Variants in ADAMTSL3 observed in about 807,000 individuals in gnomAD.
ADAMTSL3 encodes ADAMTS like 3.
ADAMTSL3 carries 128 observed loss-of-function variants against 201.7 expected under a neutral mutation model. That is an observed-to-expected ratio of 0.63 (90% CI 0.55 to 0.73). The LOEUF is 0.73. ADAMTSL3 is among the 30% of genes least tolerant of loss of function. The probability of loss-of-function intolerance (pLI) is 0.00; values close to 1 mark genes in which losing one functional copy is unlikely to be tolerated. For missense variants in ADAMTSL3, 1,990 were observed against 2,119.6 expected (o/e 0.94, Z 1.20); for synonymous variants, 738 against 748.4 (o/e 0.99, Z 0.23).
chr15:83,912,164 AG>A (rs1212275485), intron 15 of ADAMTSL3, among the ~76,000 whole-genome samples: 1 of 152,214 alleles, frequency 6.6e-6, no homozygotes, highest in Non-Finnish European at 1.5e-5. Flanking sequence ...AATTCTGTGC[AG>A]GGGTCCAGTA....
chr15:83,764,875 C>A (rs903744196), intron 3 of ADAMTSL3, among the ~76,000 whole-genome samples: 3 of 152,068 alleles, frequency 2.0e-5, no homozygotes, highest in Non-Finnish European at 2.9e-5. Flanking sequence ...CTAGCAGGAG[C>A]CACCAGAGAT....
chr15:83,715,332 G>A (rs2062002288), intron 3 of ADAMTSL3, among the ~76,000 whole-genome samples: 1 of 152,042 alleles, frequency 6.6e-6, no homozygotes, highest in South Asian at 2.1e-4. Flanking sequence ...TGATTATTTT[G>A]GACAGGTTTC....
intron 4 of ADAMTSL3, among the ~76,000 whole-genome samples, chr15:83,787,590 AAAC>A (rs1253475325): frequency 6.6e-6 from 1 of 152,100 alleles, no homozygotes; most frequent in Non-Finnish European, 1.5e-5. Flanking sequence ...TTGAGGTGAA[AAAC>A]AACAGCCTCT....
At chr15:83,812,468 A>G (rs2063713930) in intron 5 of ADAMTSL3, among the ~76,000 whole-genome samples, 1 of 152,198 alleles carries the variant, frequency 6.6e-6, no homozygotes, top group African/African-American at 2.4e-5. Flanking sequence ...TGATTCAAAC[A>G]TGCCTACACC....
chr15:84,034,698 A>C (rs1430834548), intron 28 of ADAMTSL3, among the ~76,000 whole-genome samples: 2 of 152,136 alleles, frequency 1.3e-5, no homozygotes, highest in Non-Finnish European at 2.9e-5. Context: ...CAGCATTTTA[A>C]AGCTGTGTGC....
intron 19 of ADAMTSL3, among the ~76,000 whole-genome samples, chr15:83,969,328 C>G (rs1364243779): frequency 1.3e-5 from 2 of 152,026 alleles, no homozygotes; most frequent in South Asian, 4.2e-4. Flanking sequence ...CCTGAAATCC[C>G]AGCTACTTGG....
chr15:83,799,487 TTTAAG>T (rs1389215916), intron 4 of ADAMTSL3, among the ~76,000 whole-genome samples: 3 of 152,108 alleles, frequency 2.0e-5, no homozygotes, highest in South Asian at 2.1e-4. Context: ...GAAACACAGG[TTTAAG>T]TTAACTACTA....
chr15:84,028,970 C>G (rs2068357092), intron 27 of ADAMTSL3, among the ~76,000 whole-genome samples: 1 of 152,188 alleles, frequency 6.6e-6, no homozygotes, highest in Non-Finnish European at 1.5e-5. Flanking sequence ...TCTTTGCCTT[C>G]CATCATGATT....
chr15:83,976,786 A>G (rs1056778496), intron 20 of ADAMTSL3, among the ~76,000 whole-genome samples: 4 of 152,204 alleles, frequency 2.6e-5, no homozygotes, highest in African/African-American at 9.7e-5. Flanking sequence ...AGCTTCGCTC[A>G]CTGGCCTTAC....
At chr15:83,963,421 G>A (rs1429271793) in intron 19 of ADAMTSL3, among the ~76,000 whole-genome samples, 1 of 152,180 alleles carries the variant, frequency 6.6e-6, no homozygotes, top group African/African-American at 2.4e-5. Flanking sequence ...GCCCACCACA[G>A]CTTGGCAAAG....
At chr15:84,027,833 C>T (rs1293442204) in intron 27 of ADAMTSL3, among the ~76,000 whole-genome samples, 1 of 151,788 alleles carries the variant, frequency 6.6e-6, no homozygotes, top group Non-Finnish European at 1.5e-5. Context: ...ATAACAACAC[C>T]CCATAATAAT....
At chr15:84,025,683 G>A (rs2068293055) in intron 27 of ADAMTSL3, 1 of 389,488 alleles carries the variant, frequency 2.6e-6, no homozygotes, top group Non-Finnish European at 4.7e-6. Flanking sequence ...GAAGCTCCAA[G>A]TTAGACCAGT....
intron 23 of ADAMTSL3, among the ~76,000 whole-genome samples, chr15:84,008,097 T>A (rs2067928257): frequency 6.6e-6 from 1 of 152,152 alleles, no homozygotes; most frequent in South Asian, 2.1e-4. Flanking sequence ...AATTGCTAAC[T>A]TCAGTTGTCA....
At chr15:84,016,251 G>C (rs773986114) in intron 24 of ADAMTSL3, 132 bp from the exon 25 acceptor site, 29 of 670,592 alleles carry the variant, frequency 4.3e-5, no homozygotes, top group Non-Finnish European at 6.9e-5. Context: ...GTGGTCATGA[G>C]CTTGAGTATC....
intron 2 of ADAMTSL3, among the ~76,000 whole-genome samples, chr15:83,699,912 C>T (rs1277212059): frequency 6.6e-6 from 1 of 152,186 alleles, no homozygotes; most frequent in Non-Finnish European, 1.5e-5. Flanking sequence ...CAACATTATT[C>T]TCATATCACC....
At chr15:83,996,056 T>C (rs1399800341) in intron 23 of ADAMTSL3, among the ~76,000 whole-genome samples, 3 of 152,288 alleles carry the variant, frequency 2.0e-5, no homozygotes, top group African/African-American at 4.8e-5. Context: ...TAATTGTTTA[T>C]AAATATAAAA....
At chr15:83,975,294 A>G (rs913033956) in intron 20 of ADAMTSL3, among the ~76,000 whole-genome samples, 6 of 149,494 alleles carry the variant, frequency 4.0e-5, no homozygotes, top group South Asian at 2.1e-4. Context: ...GAGCCACTGC[A>G]CCTGGCCAGC....
intron 3 of ADAMTSL3, among the ~76,000 whole-genome samples, chr15:83,705,409 G>T (rs747820338): frequency 5.7e-4 from 86 of 152,152 alleles, no homozygotes; most frequent in Non-Finnish European, 1.1e-3. Flanking sequence ...ATAGCCAAAG[G>T]CCAGTGCATC....
chr15:84,022,957 C>G (rs1177537021), intron 26 of ADAMTSL3, among the ~76,000 whole-genome samples: 1 of 152,160 alleles, frequency 6.6e-6, no homozygotes, highest in African/African-American at 2.4e-5. Flanking sequence ...AATACATGCT[C>G]AGGGAAACCA....
Sources: gnomAD v4.1 joint callset for allele counts (sites outside exome capture counted in the v4.1 genomes callset) on GRCh38, gnomAD v4.1.1 for gene constraint, MANE v1.5 for transcripts, NCBI Gene and HGNC (gene_info 2026-07-23, HGNC 2026-07-21) for gene names.